PSD3: variants seen among roughly 807,000 people sequenced by gnomAD.
PSD3 encodes PH and SEC7 domain-containing protein 3.
PSD3 carries 49 observed loss-of-function variants against 105.5 expected under a neutral mutation model. The observed-to-expected ratio is 0.46, with a 90% CI of 0.37 to 0.59. PSD3 has a LOEUF of 0.59. PSD3 is among the 20% of genes least tolerant of loss of function. The pLI, the probability that PSD3 is intolerant of heterozygous loss-of-function variation, is 0.00. For synonymous variants in PSD3, 557 were observed against 457.8 expected, an observed-to-expected ratio of 1.22 and a Z score of -2.77; for missense variants, 1,561 against 1,263.8, an observed-to-expected ratio of 1.24 and a Z score of -3.57.
At chr8:18,972,454 A>G (rs1586557092) in intron 1 of PSD3, among the ~76,000 whole-genome samples, 2 of 152,346 alleles carry the variant, frequency 1.3e-5, no homozygotes. Context: ...AATTCCTGGG[A>G]ACATTTGAAG....
chr8:19,076,023 A>G (rs1020297836), intron 1 of PSD3, among the ~76,000 whole-genome samples: 3 of 152,216 alleles, frequency 2.0e-5, no homozygotes, highest in African/African-American at 7.2e-5. Context: ...GCAACCTAAT[A>G]AATGAAAAAA....
chr8:19,028,919 T>A (rs904165050), intron 1 of PSD3, among the ~76,000 whole-genome samples: 4 of 152,174 alleles, frequency 2.6e-5, no homozygotes, highest in African/African-American at 9.7e-5. Context: ...TTGTTCTAAT[T>A]CCATTCTTGA....
chr8:19,029,717 C>G (rs1319052278), intron 1 of PSD3, among the ~76,000 whole-genome samples: 2 of 152,248 alleles, frequency 1.3e-5, no homozygotes, highest in African/African-American at 4.8e-5. Context: ...GGGGACACAG[C>G]TAAACCATAT....
intron 15 of PSD3, among the ~76,000 whole-genome samples, chr8:18,539,334 G>C (rs924107410): frequency 6.6e-6 from 1 of 152,120 alleles, no homozygotes; most frequent in East Asian, 1.9e-4. Context: ...TCTCTTCATT[G>C]ATTTCGCCTC....
chr8:18,574,127 T>C (rs1276554682), intron 13 of PSD3, among the ~76,000 whole-genome samples: 2 of 152,112 alleles, frequency 1.3e-5, no homozygotes, highest in East Asian at 1.9e-4. Flanking sequence ...GGACAGATTA[T>C]CTACCATACA....
At chr8:18,974,923 AT>A (rs1269203600) in intron 1 of PSD3, among the ~76,000 whole-genome samples, 2 of 152,150 alleles carry the variant, frequency 1.3e-5, no homozygotes, top group Non-Finnish European at 2.9e-5. Flanking sequence ...AAAATACAAA[AT>A]CTTTTTCCTT....
At position 18,576,890 on chromosome 8, in the gene PSD3, T is replaced by A. The variant is rs563061631; in HGVS notation, c.2482-1605A>T. ...GGTTAGCCTAGAAATTTGTGTGTAC[T>A]TTTTTTTTTTTTATATTCTAGGTCC... On this transcript the variant is annotated intron_variant, in intron 12 of 15. Coordinates refer to ENST00000327040, the MANE Select transcript of PSD3 (RefSeq NM_015310.4). 7.4e-3 allele frequency among the ~76,000 whole-genome samples: 647 copies of A among 87,392 alleles called. 5 individuals carry two copies. The highest frequency in any genetic ancestry group is 0.018 in the African/African-American group (604 of 33,816). 57.3% of individuals were successfully genotyped at this position (87,392 alleles called of 152,430 possible). A position where few individuals can be genotyped will look rare whatever the true frequency, so the allele number is the denominator to read the frequency against.
intron 15 of PSD3, among the ~76,000 whole-genome samples, chr8:18,549,183 T>G (rs1307716991): frequency 6.7e-6 from 1 of 148,524 alleles, no homozygotes; most frequent in Non-Finnish European, 1.5e-5. Context: ...CTCAGTTTTT[T>G]TTTTTTTTTT....
At chr8:18,951,321 G>T (rs948684687) in intron 1 of PSD3, among the ~76,000 whole-genome samples, 22 of 152,172 alleles carry the variant, frequency 1.4e-4, no homozygotes, top group Non-Finnish European at 2.5e-4. Flanking sequence ...AGAATCGCTT[G>T]AGTCCATGAA....
At chr8:18,805,361 G>C (rs544712801) in intron 4 of PSD3, among the ~76,000 whole-genome samples, 2 of 152,102 alleles carry the variant, frequency 1.3e-5, no homozygotes, top group African/African-American at 2.4e-5. Context: ...CAAGACAGTT[G>C]AATTCTAAGA....
At chr8:18,788,007 T>C (rs1040914636) in intron 8 of PSD3, among the ~76,000 whole-genome samples, 1 of 152,172 alleles carries the variant, frequency 6.6e-6, no homozygotes, top group East Asian at 1.9e-4. Context: ...AACACTATAA[T>C]TGGTGTGAAG....
At chr8:18,730,547 A>T (rs145849042) in intron 9 of PSD3, among the ~76,000 whole-genome samples, 19 of 152,364 alleles carry the variant, frequency 1.2e-4, no homozygotes, top group Non-Finnish European at 2.2e-4. Flanking sequence ...AAGAAAAGAT[A>T]CACTATATCC....
intron 9 of PSD3, among the ~76,000 whole-genome samples, chr8:18,737,571 G>T (rs1804248440): frequency 6.6e-6 from 1 of 152,104 alleles, no homozygotes; most frequent in Non-Finnish European, 1.5e-5. Flanking sequence ...CAGAGTGCTG[G>T]GATTACAGGT....
chr8:18,972,728 T>C (rs1044934995), intron 1 of PSD3, among the ~76,000 whole-genome samples: 3 of 152,216 alleles, frequency 2.0e-5, no homozygotes, highest in East Asian at 3.8e-4. Context: ...TAAGGACACA[T>C]GTAAACCAGA....
chr8:18,993,760 AT>A (rs1396087168), intron 1 of PSD3, among the ~76,000 whole-genome samples: 1 of 152,068 alleles, frequency 6.6e-6, no homozygotes, highest in East Asian at 1.9e-4. Context: ...AGAAACCAAG[AT>A]AAAGTAACTC....
At chr8:18,687,276 CA>C (rs1226978697) in intron 9 of PSD3, among the ~76,000 whole-genome samples, 2 of 151,980 alleles carry the variant, frequency 1.3e-5, no homozygotes, top group Non-Finnish European at 2.9e-5. Flanking sequence ...CCAACCTGGG[CA>C]AAACAGTGAA....
At chr8:18,707,339 C>T (rs1312261771) in intron 9 of PSD3, among the ~76,000 whole-genome samples, 1 of 152,168 alleles carries the variant, frequency 6.6e-6, no homozygotes, top group Non-Finnish European at 1.5e-5. Flanking sequence ...GTTTTCTATA[C>T]ACAGCCCACA....
At chr8:18,639,812 C>T (rs777643043) in intron 10 of PSD3, among the ~76,000 whole-genome samples, 7 of 152,198 alleles carry the variant, frequency 4.6e-5, no homozygotes, top group African/African-American at 9.6e-5. Context: ...TACCTCACCA[C>T]AGCTTCAGAT....
intron 9 of PSD3, among the ~76,000 whole-genome samples, chr8:18,727,551 A>AACACACACACACACACAC (rs56410753): frequency 7.3e-6 from 1 of 137,628 alleles, no homozygotes; most frequent in Non-Finnish European, 1.5e-5. Context: ...AAAAAATCCA[A>AACACACACACACACACAC]ACACACACAC....
Sources: allele counts gnomAD v4.1 joint callset (sites outside exome capture counted in the v4.1 genomes callset), GRCh38; gene constraint gnomAD v4.1.1; transcripts MANE v1.5; gene names NCBI Gene and HGNC (gene_info 2026-07-23, HGNC 2026-07-21).